TSC22D3: variants seen among roughly 807,000 people sequenced by gnomAD.
TSC22D3 encodes the protein TSC22 domain family member 3.
Under a neutral mutation model 11.1 loss-of-function variants are expected in TSC22D3, and 4 were observed. The observed-to-expected ratio is 0.36, with a 90% CI of 0.18 to 0.83. The LOEUF is 0.83. Ranked by LOEUF, TSC22D3 falls within the 40% of genes least tolerant of loss-of-function variation. TSC22D3 has a pLI of 0.48. For missense variants in TSC22D3, 118 were observed against 159.4 expected, an observed-to-expected ratio of 0.74 and a Z score of 1.40; for synonymous variants, 77 against 70.3, an observed-to-expected ratio of 1.10 and a Z score of -0.48.
In TSC22D3 at chrX:107,713,660, G is replaced by A. The variant is rs1423741441; in HGVS notation, c.*859C>T. ...CAAGGCATCCGTGGCCGCATTCAGA[G>A]GCTGGCCCCCCTCCTTGCCTTTACT... On this transcript the variant is annotated 3_prime_UTR_variant, in exon 3 of 3. Coordinates refer to ENST00000372383, the MANE Select transcript of TSC22D3 (RefSeq NM_198057.3). 2 of 111,883 alleles carry A rather than the reference G, an allele frequency of 1.8e-5. No homozygotes were observed. Among genetic ancestry groups the A allele is most frequent in the African/African-American group, 6.5e-5 (2 of 30,571 alleles). The allele number at this position is 111,883 out of a possible 1,213,427, so 9.2% of individuals were successfully genotyped here.
intron 1 of TSC22D3, among the ~76,000 whole-genome samples, chrX:107,745,331 G>A (rs777366263): frequency 8.9e-6 from 1 of 112,057 alleles, no homozygotes; most frequent in Non-Finnish European, 1.9e-5. Flanking sequence ...CAGTCTCCCC[G>A]AATCTGGCCA....
At chrX:107,744,475 C>T (rs751716854) in intron 1 of TSC22D3, among the ~76,000 whole-genome samples, 6 of 109,787 alleles carry the variant, frequency 5.5e-5, no homozygotes, top group Admixed American at 1.9e-4. Context: ...AGTGAGACTC[C>T]GTTTCAAAAA....
rs139418965 is a variant in TSC22D3, at chrX:107,738,897, C to T, written c.321-22947G>A. Among the ~76,000 whole-genome samples, 8 of 109,796 alleles carry T rather than the reference C, an allele frequency of 7.3e-5. No homozygotes were observed. The East Asian group carries it at 2.0e-3, about 28-fold the overall frequency. On this transcript the variant is annotated intron_variant, in intron 1 of 2. Coordinates refer to ENST00000372383, the MANE Select transcript of TSC22D3 (RefSeq NM_198057.3). ...TGGCATTGTCAGAGCCGGATGCAAA[C>T]GGCACGCAGCAGGGGCTAGCTGTGA...
chrX:107,718,777 C>A (rs1927184206), intron 1 of TSC22D3, among the ~76,000 whole-genome samples: 1 of 112,327 alleles, frequency 8.9e-6, no homozygotes, highest in Non-Finnish European at 1.9e-5. Context: ...TTCTTCATCT[C>A]ACTTTAGGTG....
intron 1 of TSC22D3, among the ~76,000 whole-genome samples, chrX:107,753,694 C>T (rs927014733): frequency 2.7e-5 from 3 of 111,556 alleles, no homozygotes; most frequent in Non-Finnish European, 5.6e-5. Flanking sequence ...ACAGAAATGA[C>T]TTCAGTATGC....
chrX:107,739,289 G>A (rs188674661), intron 1 of TSC22D3, among the ~76,000 whole-genome samples: 10 of 112,925 alleles, frequency 8.9e-5, no homozygotes, highest in Non-Finnish European at 1.7e-4. Flanking sequence ...GGAAGGTGAA[G>A]CAATGGGTAT....
chrX:107,732,201 A>G (rs911682258), intron 1 of TSC22D3, among the ~76,000 whole-genome samples: 4 of 93,091 alleles, frequency 4.3e-5, no homozygotes, highest in Non-Finnish European at 8.4e-5. Flanking sequence ...CACTGCCTCC[A>G]CTGCCCTCCC....
intron 1 of TSC22D3, among the ~76,000 whole-genome samples, chrX:107,723,413 A>G (rs1170179308): frequency 8.9e-6 from 1 of 112,304 alleles, no homozygotes; most frequent in Non-Finnish European, 1.9e-5. Context: ...CAACTTCTCG[A>G]TCTTTGTCCT....
In TSC22D3 at chrX:107,713,909, A is replaced by G. The variant is rs1414741664; in HGVS notation, c.*610T>C. 1 of 113,134 alleles carries G rather than the reference A, an allele frequency of 8.8e-6. No homozygotes were observed. Among genetic ancestry groups the G allele is most frequent in the Non-Finnish European group, 1.9e-5 (1 of 53,567 alleles). The allele number at this position is 113,134 out of a possible 1,213,427, so 9.3% of individuals were successfully genotyped here. ...ATGGCTATATAGAAAAACTATGCCA[A>G]TACTAACCAAACAGAACTTTGTAAG... On this transcript the variant is annotated 3_prime_UTR_variant, in exon 3 of 3. Transcript: ENST00000372383.
At chrX:107,771,698 T>G (rs1929912847) in intron 1 of TSC22D3, among the ~76,000 whole-genome samples, 1 of 113,102 alleles carries the variant, frequency 8.8e-6, no homozygotes, top group African/African-American at 3.2e-5. Context: ...TGTTAGTTAT[T>G]AATCTGTTAT....
intron 1 of TSC22D3, among the ~76,000 whole-genome samples, chrX:107,766,784 T>C (rs1336397173): frequency 9.0e-6 from 1 of 110,696 alleles, no homozygotes; most frequent in Non-Finnish European, 1.9e-5. Context: ...AGGCTTTTCC[T>C]TGGGAAGTAT....
chrX:107,730,394 T>C (rs770588408), intron 1 of TSC22D3, among the ~76,000 whole-genome samples: 14 of 111,969 alleles, frequency 1.3e-4, no homozygotes, highest in Non-Finnish European at 2.1e-4. Flanking sequence ...ACTCCCTTCA[T>C]ACAGCTGCAG....
At chrX:107,765,837 T>C (rs1369784846) in intron 1 of TSC22D3, among the ~76,000 whole-genome samples, 1 of 112,225 alleles carries the variant, frequency 8.9e-6, no homozygotes, top group Non-Finnish European at 1.9e-5. Flanking sequence ...TCCCCTAATT[T>C]TCACTGGATT....
intron 1 of TSC22D3, among the ~76,000 whole-genome samples, chrX:107,734,878 TAAAAAAAAA>T (rs781386272): frequency 6.7e-4 from 25 of 37,282 alleles, no homozygotes; most frequent in South Asian, 2.1e-3. Flanking sequence ...CAACTCTACG[TAAAAAAAAA>T]AAAAAAAAAA....
intron 1 of TSC22D3, among the ~76,000 whole-genome samples, chrX:107,757,750 A>G (rs748223889): frequency 9.1e-6 from 1 of 110,144 alleles, no homozygotes; most frequent in South Asian, 4.0e-4. Context: ...TAAGGCGCCA[A>G]GGAGGACCCT....
chrX:107,747,958 C>T (rs964219971), intron 1 of TSC22D3, among the ~76,000 whole-genome samples: 1 of 112,258 alleles, frequency 8.9e-6, no homozygotes, highest in South Asian at 3.7e-4. Flanking sequence ...TTCTCATACC[C>T]TATCATACCC....
At chrX:107,740,300 C>A (rs980665373) in intron 1 of TSC22D3, among the ~76,000 whole-genome samples, 8 of 111,765 alleles carry the variant, frequency 7.2e-5, no homozygotes, top group Non-Finnish European at 1.3e-4. Context: ...TAAGAGAGAT[C>A]GTGCTGGGCA....
At chrX:107,758,643 C>T (rs1167136731) in intron 1 of TSC22D3, among the ~76,000 whole-genome samples, 14 of 111,476 alleles carry the variant, frequency 1.3e-4, no homozygotes, top group Non-Finnish European at 2.1e-4. Context: ...TTTGTAGATT[C>T]GCTTTTTAGA....
At chrX:107,724,104 ACT>A (rs1189013203) in intron 1 of TSC22D3, among the ~76,000 whole-genome samples, 1 of 111,993 alleles carries the variant, frequency 8.9e-6, no homozygotes, top group African/African-American at 3.2e-5. Flanking sequence ...CAGTTGTGGG[ACT>A]CTATCACATG....
Sources: gnomAD v4.1 joint callset for allele counts (sites outside exome capture counted in the v4.1 genomes callset) on GRCh38, gnomAD v4.1.1 for gene constraint, MANE v1.5 for transcripts, NCBI Gene and HGNC (gene_info 2026-07-23, HGNC 2026-07-21) for gene names.